Variants in NRXN3 observed in about 807,000 individuals in gnomAD.
The protein encoded by NRXN3 is neurexin 3.
A neutral mutation model predicts 137.6 loss-of-function variants in NRXN3; 32 were observed. The observed-to-expected ratio is 0.23, with a 90% CI of 0.18 to 0.31. NRXN3 has a LOEUF of 0.31. Among genes scored for constraint, NRXN3 ranks in the 10% least tolerant of loss-of-function variants. NRXN3 has a pLI of 1.00. For missense variants in NRXN3, 1,574 were observed against 2,062.5 expected, an observed-to-expected ratio of 0.76 and a Z score of 4.59; for synonymous variants, 798 against 784.5, an observed-to-expected ratio of 1.02 and a Z score of -0.29.
intron 19 of NRXN3, among the ~76,000 whole-genome samples, chr14:79,745,905 A>G (rs977006972): frequency 2.7e-4 from 41 of 151,996 alleles, no homozygotes; most frequent in African/African-American, 9.4e-4. Flanking sequence ...CTTTCTTCAT[A>G]TGGCTATCTT....
chr14:78,590,335 G>A (rs565797366), intron 4 of NRXN3, among the ~76,000 whole-genome samples: 1 of 152,326 alleles, frequency 6.6e-6, no homozygotes, highest in African/African-American at 2.4e-5. Context: ...GCAGGGGTGA[G>A]ACTCAATCCT....
chr14:79,796,170 G>A (rs2160082), intron 19 of NRXN3, among the ~76,000 whole-genome samples: 24 of 152,282 alleles, frequency 1.6e-4, no homozygotes, highest in East Asian at 5.8e-4. Flanking sequence ...TAATCAACAG[G>A]CATCTGATCT....
At chr14:79,194,556 C>A (rs988756285) in intron 15 of NRXN3, among the ~76,000 whole-genome samples, 1 of 152,158 alleles carries the variant, frequency 6.6e-6, no homozygotes, top group Non-Finnish European at 1.5e-5. Flanking sequence ...AAGAAAAAGG[C>A]AAAGATATCC....
chr14:79,126,046 C>T (rs371376760), intron 15 of NRXN3, among the ~76,000 whole-genome samples: 1 of 151,994 alleles, frequency 6.6e-6, no homozygotes, highest in Non-Finnish European at 1.5e-5. Context: ...CACAAAGTAC[C>T]TAAAAAATTG....
At chr14:78,247,981 A>G (rs1240453953) in intron 2 of NRXN3, among the ~76,000 whole-genome samples, 1 of 152,116 alleles carries the variant, frequency 6.6e-6, no homozygotes, top group African/African-American at 2.4e-5. Flanking sequence ...AACAATGGAG[A>G]AGCTTTCATG....
chr14:78,511,077 C>T (rs2096096463), intron 4 of NRXN3, among the ~76,000 whole-genome samples: 1 of 152,132 alleles, frequency 6.6e-6, no homozygotes, highest in Non-Finnish European at 1.5e-5. Flanking sequence ...TCTAATGCCT[C>T]CTAGTCTGAT....
At chr14:79,476,772 T>C (rs2085550233) in intron 16 of NRXN3, among the ~76,000 whole-genome samples, 1 of 152,110 alleles carries the variant, frequency 6.6e-6, no homozygotes, top group Non-Finnish European at 1.5e-5. Flanking sequence ...GTAGTCACTA[T>C]TAATATCCTC....
chr14:78,949,738 TA>T (rs796393151), intron 10 of NRXN3, among the ~76,000 whole-genome samples: 38 of 152,242 alleles, frequency 2.5e-4, no homozygotes, highest in African/African-American at 8.7e-4. Context: ...AGAAAGGTTA[TA>T]AAAGTAATAG....
intron 20 of NRXN3, among the ~76,000 whole-genome samples, chr14:79,815,044 A>G (rs908089076): frequency 2.6e-5 from 4 of 152,178 alleles, no homozygotes; most frequent in African/African-American, 9.6e-5. Flanking sequence ...TTCAACTTTG[A>G]CCTAAATTCA....
At chr14:78,241,760 C>T (rs1164616361) in intron 1 of NRXN3, among the ~76,000 whole-genome samples, 1 of 151,968 alleles carries the variant, frequency 6.6e-6, no homozygotes, top group African/African-American at 2.4e-5. Context: ...GAAATTTTCT[C>T]AAAGTGCCAC....
In NRXN3 at chr14:78,278,679, G is replaced by A; in HGVS notation, c.727+17G>A. The A allele has an allele frequency of 6.5e-7, 1 of 1,533,990 alleles. No homozygotes were observed. Among genetic ancestry groups the A allele is most frequent in the Middle Eastern group, 1.7e-4 (1 of 5,982 alleles). ...AAGATCCAGGTGAGTCTTTGTGTTT[G>A]CACAGCTGCTGTGGGAATTTCCCCT... is the stretch of plus-strand genomic sequence containing the variant. On this transcript the variant is annotated intron_variant, in intron 3 of 20. Transcript: ENST00000335750.
At chr14:78,557,225 T>A (rs2096747461) in intron 4 of NRXN3, among the ~76,000 whole-genome samples, 1 of 149,886 alleles carries the variant, frequency 6.7e-6, no homozygotes, top group African/African-American at 2.5e-5. Flanking sequence ...TTTTTCTATT[T>A]TTTTTTTTTT....
chr14:79,340,198 TGAGA>T (rs1228407752), intron 15 of NRXN3, among the ~76,000 whole-genome samples: 17 of 150,718 alleles, frequency 1.1e-4, no homozygotes, highest in Admixed American at 2.7e-4. Context: ...TGTATGTGTG[TGAGA>T]GAGAGAGAGA....
At chr14:79,142,918 A>G (rs373064626) in intron 15 of NRXN3, among the ~76,000 whole-genome samples, 25 of 152,314 alleles carry the variant, frequency 1.6e-4, no homozygotes, top group Middle Eastern at 3.4e-3. Context: ...ACTTGGATAG[A>G]TGGGTTGATA....
At chr14:79,473,863 C>A (rs868601995) in intron 16 of NRXN3, among the ~76,000 whole-genome samples, 5 of 148,258 alleles carry the variant, frequency 3.4e-5, no homozygotes, top group Middle Eastern at 3.5e-3. Flanking sequence ...TTCAGCTTAG[C>A]CATGCTATCC....
intron 15 of NRXN3, among the ~76,000 whole-genome samples, chr14:79,411,770 A>G (rs917965083): frequency 1.3e-5 from 2 of 152,190 alleles, no homozygotes; most frequent in Admixed American, 6.5e-5. Flanking sequence ...GTAAACAATT[A>G]TAAGTAAATG....
chr14:78,613,900 G>A (rs2097323652), intron 4 of NRXN3, among the ~76,000 whole-genome samples: 1 of 152,108 alleles, frequency 6.6e-6, no homozygotes, highest in Non-Finnish European at 1.5e-5. Flanking sequence ...AGAAATCACG[G>A]AGAACTCAAG....
chr14:78,657,453 T>C (rs193144809), intron 6 of NRXN3, among the ~76,000 whole-genome samples: 1 of 152,212 alleles, frequency 6.6e-6, no homozygotes, highest in African/African-American at 2.4e-5. Context: ...CACTGAGACC[T>C]CTGGGACAGA....
intron 15 of NRXN3, among the ~76,000 whole-genome samples, chr14:79,406,523 G>T (rs1433845473): frequency 2.0e-5 from 3 of 151,840 alleles, no homozygotes; most frequent in Non-Finnish European, 4.4e-5. Context: ...AGCTGGTCTA[G>T]ATCTCCTAGG....
Sources: allele counts gnomAD v4.1 joint callset (sites outside exome capture counted in the v4.1 genomes callset), GRCh38; gene constraint gnomAD v4.1.1; transcripts MANE v1.5; gene names NCBI Gene and HGNC (gene_info 2026-07-23, HGNC 2026-07-21).